The following CCDC192 variants were observed in gnomAD, a reference collection of about 807,000 sequenced individuals.
CCDC192 encodes the protein coiled-coil domain containing 192.
intron 5 of CCDC192, among the ~76,000 whole-genome samples, chr5:127,853,679 A>G (rs534766202): frequency 2.6e-5 from 4 of 152,212 alleles, no homozygotes; most frequent in Non-Finnish European, 4.4e-5. Context: ...AGGTTGAGGC[A>G]GAAGAATTGC....
intron 6 of CCDC192, among the ~76,000 whole-genome samples, chr5:127,934,977 T>A (rs1439437643): frequency 6.6e-6 from 1 of 152,218 alleles, no homozygotes; most frequent in Non-Finnish European, 1.5e-5. Context: ...CAATCCTGGG[T>A]GGCTCTGGTG....
intron 6 of CCDC192, among the ~76,000 whole-genome samples, chr5:127,916,160 A>G (rs1196784228): frequency 6.6e-6 from 1 of 152,254 alleles, no homozygotes; most frequent in Non-Finnish European, 1.5e-5. Context: ...CTATTTCAAT[A>G]AAACATTTTC....
chr5:127,791,850 T>A (rs937257499), intron 3 of CCDC192, among the ~76,000 whole-genome samples: 4 of 152,138 alleles, frequency 2.6e-5, no homozygotes, highest in African/African-American at 9.7e-5. Flanking sequence ...AAGAAGACAC[T>A]GACAGAAACC....
At chr5:127,864,248 C>CATAT (rs1751500686) in intron 5 of CCDC192, among the ~76,000 whole-genome samples, 1 of 152,198 alleles carries the variant, frequency 6.6e-6, no homozygotes, top group Non-Finnish European at 1.5e-5. Flanking sequence ...ATTAACAACT[C>CATAT]ATATGATTAT....
intron 2 of CCDC192, among the ~76,000 whole-genome samples, chr5:127,729,191 G>A (rs938622167): frequency 6.6e-6 from 1 of 151,998 alleles, no homozygotes; most frequent in Non-Finnish European, 1.5e-5. Flanking sequence ...ACAGGCATGA[G>A]CCACTGAAAC....
chr5:127,864,485 C>T (rs113933754), intron 5 of CCDC192, among the ~76,000 whole-genome samples: 3 of 152,178 alleles, frequency 2.0e-5, no homozygotes, highest in African/African-American at 7.2e-5. Flanking sequence ...GCTTCATGTG[C>T]TGTCTTTTCT....
chr5:127,853,101 T>G (rs151880), intron 5 of CCDC192, among the ~76,000 whole-genome samples: 107,149 of 151,674 alleles, frequency 0.71, 37,983 homozygotes, highest in African/African-American at 0.78. Flanking sequence ...AAAAAAAAAT[T>G]CTGCTATCCC....
At chr5:127,789,105 T>G (rs1469799496) in intron 3 of CCDC192, among the ~76,000 whole-genome samples, 1 of 152,238 alleles carries the variant, frequency 6.6e-6, no homozygotes, top group Non-Finnish European at 1.5e-5. Context: ...GAAATATTTT[T>G]TCTTTAAGTC....
chr5:127,723,073 C>A (rs762726598), intron 2 of CCDC192, among the ~76,000 whole-genome samples: 46 of 152,102 alleles, frequency 3.0e-4, no homozygotes, highest in Non-Finnish European at 4.9e-4. Context: ...AATATTTATT[C>A]TTCCAGACCA....
intron 6 of CCDC192, among the ~76,000 whole-genome samples, chr5:127,923,377 CTT>C (rs746234133): frequency 2.1e-5 from 3 of 142,368 alleles, no homozygotes; most frequent in Non-Finnish European, 1.5e-5. Context: ...TTTCATTAGT[CTT>C]TTTTTTTTTT....
chr5:127,875,714 T>A, intron 6 of CCDC192, 53 bp downstream of exon 6: 1 of 397,966 alleles, frequency 2.5e-6, no homozygotes. Flanking sequence ...GGGTGATGTA[T>A]GTAGTTGTAT....
intron 5 of CCDC192, among the ~76,000 whole-genome samples, 169 bp downstream of exon 5, chr5:127,798,331 A>G (rs1757290471): frequency 6.6e-6 from 1 of 152,188 alleles, no homozygotes; most frequent in Non-Finnish European, 1.5e-5. Flanking sequence ...CATACATAAA[A>G]TTCTGATTTT....
At chr5:127,853,667 G>A (rs28692822) in intron 5 of CCDC192, among the ~76,000 whole-genome samples, 2 of 152,156 alleles carry the variant, frequency 1.3e-5, no homozygotes, top group Non-Finnish European at 2.9e-5. Context: ...CAGCTACTCT[G>A]GAGGTTGAGG....
chr5:127,759,798 C>G (rs1376399817), intron 3 of CCDC192, among the ~76,000 whole-genome samples: 1 of 152,218 alleles, frequency 6.6e-6, no homozygotes, highest in Non-Finnish European at 1.5e-5. Context: ...GCTCCCTTGT[C>G]ATAACTTGGC....
At chr5:127,709,198 A>AGGGC (rs1554067190) in intron 2 of CCDC192, among the ~76,000 whole-genome samples, 1 of 71,324 alleles carries the variant, frequency 1.4e-5, no homozygotes, top group African/African-American at 5.5e-5. Flanking sequence ...AGGTGGAGAG[A>AGGGC]GGGGGAGAGA....
intron 3 of CCDC192, chr5:127,785,962 G>T (rs1336046302): frequency 9.4e-6 from 5 of 532,842 alleles, no homozygotes; most frequent in Non-Finnish European, 1.8e-5. Context: ...ATACATTTTG[G>T]GGTCATTTAA....
At chr5:127,902,726 C>G (rs1753073573) in intron 6 of CCDC192, among the ~76,000 whole-genome samples, 1 of 152,174 alleles carries the variant, frequency 6.6e-6, no homozygotes, top group Admixed American at 6.5e-5. Flanking sequence ...TCATGTGCAT[C>G]ATAGAGTAAC....
chr5:127,858,522 T>C (rs573088140), intron 5 of CCDC192, among the ~76,000 whole-genome samples: 1 of 152,362 alleles, frequency 6.6e-6, no homozygotes, highest in Admixed American at 6.5e-5. Context: ...CTTGTCACAG[T>C]TGGCAACTGA....
Position 127,789,868 on chromosome 5 carries a change from G to C in CCDC192, c.223-7235G>C, listed in dbSNP as rs548122632. ...ATATCCTCCAACTAAAGCCATGATG[G>C]TGAGGTCACCTGGAGCCATGAGAGC... On this transcript the variant is annotated intron_variant, in intron 3 of 6. Transcript: ENST00000514853. 6.4e-4 allele frequency among the ~76,000 whole-genome samples: 97 copies of C among 152,322 alleles called. 1 individual carries two copies. The South Asian group carries it at 0.013, about 20-fold the overall frequency.
Sources: gnomAD v4.1 joint callset for allele counts (sites outside exome capture counted in the v4.1 genomes callset) on GRCh38, gnomAD v4.1.1 for gene constraint, MANE v1.5 for transcripts, NCBI Gene and HGNC (gene_info 2026-07-23, HGNC 2026-07-21) for gene names.